The following SPAG16 variants were observed in gnomAD, a reference collection of about 807,000 sequenced individuals.
SPAG16 encodes the protein sperm associated antigen 16.
SPAG16 carries 86 observed loss-of-function variants against 80.4 expected under a neutral mutation model. That is an observed-to-expected ratio of 1.07 (90% CI 0.90 to 1.28). The LOEUF (loss-of-function observed/expected upper bound fraction) is 1.28, where lower values mean the gene tolerates loss of function less well. SPAG16 is among the 50% of genes most tolerant of loss of function. The pLI is 0.00. For synonymous variants in SPAG16, 294 were observed against 265.9 expected (o/e 1.11, Z -1.03); for missense variants, 870 against 765.3 (o/e 1.14, Z -1.61).
chr2:214,102,885 T>C (rs2053150757), intron 13 of SPAG16, among the ~76,000 whole-genome samples: 1 of 152,088 alleles, frequency 6.6e-6, no homozygotes, highest in Admixed American at 6.6e-5. Flanking sequence ...AGCGGGCTCA[T>C]GAAGGATCAA....
intron 10 of SPAG16, among the ~76,000 whole-genome samples, chr2:213,495,917 A>G (rs2074460557): frequency 6.6e-6 from 1 of 152,200 alleles, no homozygotes; most frequent in African/African-American, 2.4e-5. Context: ...GAGGGGGAAT[A>G]TAAAGTTATG....
intron 15 of SPAG16, among the ~76,000 whole-genome samples, chr2:214,226,723 T>A (rs2058706287): frequency 6.6e-6 from 1 of 152,030 alleles, no homozygotes; most frequent in Non-Finnish European, 1.5e-5. Flanking sequence ...TTTTGGACAC[T>A]TAAGTGAAAA....
intron 10 of SPAG16, among the ~76,000 whole-genome samples, chr2:213,555,858 T>G (rs2059407778): frequency 6.6e-6 from 1 of 152,174 alleles, no homozygotes; most frequent in South Asian, 2.1e-4. Flanking sequence ...GTATAACGGT[T>G]GAAAGACAAA....
At chr2:213,380,016 C>T (rs1182393841) in intron 9 of SPAG16, among the ~76,000 whole-genome samples, 1 of 152,188 alleles carries the variant, frequency 6.6e-6, no homozygotes, top group East Asian at 1.9e-4. Context: ...AATGTCTTCA[C>T]AGTTTTTGAC....
chr2:214,408,545 A>G (rs2126160161), intron 15 of SPAG16, among the ~76,000 whole-genome samples: 1 of 152,326 alleles, frequency 6.6e-6, no homozygotes, highest in Middle Eastern at 3.4e-3. Context: ...TGTATTTATC[A>G]TGGTTAGCTT....
chr2:213,519,944 C>T (rs1243827228), intron 10 of SPAG16, among the ~76,000 whole-genome samples: 1 of 151,920 alleles, frequency 6.6e-6, no homozygotes, highest in African/African-American at 2.4e-5. Context: ...TAGCATGAGC[C>T]CTAATGCAGT....
chr2:214,050,681 T>C (rs1290707578), intron 13 of SPAG16, among the ~76,000 whole-genome samples: 5 of 152,164 alleles, frequency 3.3e-5, no homozygotes, highest in Non-Finnish European at 7.4e-5. Flanking sequence ...TGCCTCATTA[T>C]CATTGCAACA....
intron 10 of SPAG16, among the ~76,000 whole-genome samples, chr2:213,755,897 T>G (rs1965059): frequency 0.93 from 141,281 of 152,266 alleles, 66,510 homozygotes; most frequent in East Asian, 1. Flanking sequence ...TATTATAAAA[T>G]AGTAGAAAAG....
At chr2:214,188,748 A>G (rs1343102922) in intron 15 of SPAG16, among the ~76,000 whole-genome samples, 1 of 152,102 alleles carries the variant, frequency 6.6e-6, no homozygotes, top group African/African-American at 2.4e-5. Flanking sequence ...CTGAACTGCT[A>G]TTTTTCAAAT....
intron 15 of SPAG16, among the ~76,000 whole-genome samples, chr2:214,199,111 G>A (rs1230833237): frequency 6.6e-6 from 1 of 151,944 alleles, no homozygotes; most frequent in Admixed American, 6.6e-5. Flanking sequence ...ATTTAATTAG[G>A]TTCCATTTAT....
intron 12 of SPAG16, among the ~76,000 whole-genome samples, chr2:213,951,583 C>T (rs1411943810): frequency 2.0e-5 from 3 of 152,024 alleles, no homozygotes; most frequent in Admixed American, 6.6e-5. Flanking sequence ...GACTTCATTC[C>T]CACTTCATTT....
chr2:213,832,703 A>G (rs1395774833), intron 10 of SPAG16, among the ~76,000 whole-genome samples: 1 of 152,118 alleles, frequency 6.6e-6, no homozygotes, highest in Non-Finnish European at 1.5e-5. Context: ...AAGAGATCAA[A>G]CTATTTTGTC....
intron 15 of SPAG16, among the ~76,000 whole-genome samples, chr2:214,291,399 G>A (rs369067070): frequency 1.6e-5 from 2 of 123,234 alleles, no homozygotes; most frequent in East Asian, 2.8e-4. Context: ...TCCGCCTCCC[G>A]GGTTCACGCC....
intron 10 of SPAG16, among the ~76,000 whole-genome samples, chr2:213,538,049 T>C (rs140848326): frequency 1.3e-5 from 2 of 152,296 alleles, no homozygotes; most frequent in Admixed American, 6.5e-5. Context: ...TTTTTGTCTA[T>C]AAGATTAGGT....
At chr2:213,955,391 G>A (rs1034440918) in intron 12 of SPAG16, among the ~76,000 whole-genome samples, 35 of 152,246 alleles carry the variant, frequency 2.3e-4, no homozygotes, top group Admixed American at 2.2e-3. Context: ...TCTTTTACAT[G>A]TGGATGTTCA....
chr2:213,566,761 GA>G (rs1252408675), intron 10 of SPAG16, among the ~76,000 whole-genome samples: 1 of 152,164 alleles, frequency 6.6e-6, no homozygotes, highest in Non-Finnish European at 1.5e-5. Flanking sequence ...CATAACTTAA[GA>G]AAACTGCCCT....
intron 10 of SPAG16, among the ~76,000 whole-genome samples, chr2:213,747,171 A>T (rs1299205742): frequency 3.9e-5 from 6 of 152,228 alleles, no homozygotes; most frequent in Non-Finnish European, 8.8e-5. Context: ...AAAAAGTTCA[A>T]GCAGTAAAAG....
chr2:213,731,153 GTTTTTTTTT>G (rs57074369), intron 10 of SPAG16, among the ~76,000 whole-genome samples: 1 of 107,098 alleles, frequency 9.3e-6, no homozygotes. Context: ...TTATATCTGA[GTTTTTTTTT>G]TTTTTTTTTT....
At chr2:213,432,463 C>A (rs2070366591) in intron 9 of SPAG16, among the ~76,000 whole-genome samples, 1 of 151,958 alleles carries the variant, frequency 6.6e-6, no homozygotes, top group Non-Finnish European at 1.5e-5. Flanking sequence ...CATGAACAAC[C>A]ACATGTTCAT....
Sources: gnomAD v4.1 joint callset for allele counts (sites outside exome capture counted in the v4.1 genomes callset) on GRCh38, gnomAD v4.1.1 for gene constraint, MANE v1.5 for transcripts, NCBI Gene and HGNC (gene_info 2026-07-23, HGNC 2026-07-21) for gene names.